Variants in UGT1A7 observed in about 807,000 individuals in gnomAD.
UGT1A7 encodes UDP glucuronosyltransferase family 1 member A7.
In UGT1A7, 33 loss-of-function variants were observed where a neutral mutation model predicts 45.6. The ratio of observed to expected loss-of-function variants is 0.72; its 90% CI spans 0.55 to 0.97. The LOEUF is 0.97. Ranked by LOEUF, UGT1A7 falls within the 50% of genes least tolerant of loss-of-function variation. UGT1A7 has a pLI of 0.00. For synonymous variants in UGT1A7, 274 were observed against 250.6 expected (o/e 1.09, Z -0.88); for missense variants, 684 against 666.2 (o/e 1.03, Z -0.29).
Position 233,772,929 on chromosome 2 carries a change from C to G in UGT1A7, c.*370C>G, listed in dbSNP as rs1186146273. On this transcript the variant is annotated 3_prime_UTR_variant, in exon 5 of 5. Transcript: ENST00000373426. ...CCCTACTGCAAATGGCAGTTTTAAT[C>G]TTATCTTTTGGCTTCTGCAGATGGT... is the stretch of plus-strand genomic sequence containing the variant. The G allele has an allele frequency of 2.8e-6, 1 of 355,154 alleles. No homozygotes were observed. The highest frequency in any genetic ancestry group is 4.3e-5 in the Admixed American group (1 of 23,230). 22.0% of individuals were successfully genotyped at this position (355,154 alleles called of 1,614,324 possible). A position where few individuals can be genotyped will look rare whatever the true frequency, so the allele number is the denominator to read the frequency against.
At chr2:233,708,233 A>G (rs1227435059) in intron 1 of UGT1A7, among the ~76,000 whole-genome samples, 2 of 152,190 alleles carry the variant, frequency 1.3e-5, no homozygotes, top group African/African-American at 4.8e-5. Context: ...TCCCTTAGCA[A>G]TGTATAAGTG....
At chr2:233,717,961 C>T (rs1265478221) in intron 1 of UGT1A7, 1 of 449,854 alleles carries the variant, frequency 2.2e-6, no homozygotes, top group Non-Finnish European at 4.5e-6. Context: ...AAGACTGGAG[C>T]CTTTGGCATT....
Position 233,772,517 on chromosome 2 carries a change from A to G in UGT1A7, c.1551A>G (p.Lys517=). Residue 517 remains lysine, a synonymous_variant, in exon 5 of 5, where the codon AAA becomes AAG. Transcript: ENST00000373426. Reference sequence around the variant, plus strand: ...ATGGCTACCGGAAATGCTTGGGGAAAAAAGGGCGAGTTAAGAAAGCCCACA... The same window carrying G: ...ATGGCTACCGGAAATGCTTGGGGAAGAAAGGGCGAGTTAAGAAAGCCCACA... ...CAYGYRKCLG[K]KGRVKKAHKS... 6.2e-7 allele frequency: 1 copy of G among 1,614,222 alleles called. No homozygotes were observed. Among genetic ancestry groups the G allele is most frequent in the South Asian group, 1.1e-5 (1 of 91,086 alleles).
chr2:233,682,342 A>T lies in UGT1A7; in HGVS notation c.405A>T (p.Glu135Asp), dbSNP rs1368393471. The T allele has an allele frequency of 2.5e-6, 4 of 1,613,994 alleles. No homozygotes were observed. In the Admixed American group the frequency reaches 6.7e-5, roughly 27 times the overall value. The change falls in exon 1 of 5, where the codon GAA (glutamate) becomes GAT (aspartate). Residue 135 changes from glutamate to aspartate, a missense_variant. Physicochemically the swap from Glu to Asp is conservative, Grantham distance 45. Transcript: ENST00000373426. Reference sequence around the variant, plus strand: ...TGTTTAATGACCGAAAATTAGTAGAATACTTAAAGGAGAGTTGTTTTGATG... The same window carrying T: ...TGTTTAATGACCGAAAATTAGTAGATTACTTAAAGGAGAGTTGTTTTGATG... ...RSLFNDRKLV[E>D]YLKESCFDAV...
chr2:233,684,988 G>A (rs1391588094), intron 1 of UGT1A7, among the ~76,000 whole-genome samples: 1 of 152,172 alleles, frequency 6.6e-6, no homozygotes. Context: ...GATGCAGTGT[G>A]TGTGTATGTG....
chr2:233,766,907 C>G (rs1383334189), intron 1 of UGT1A7, 127 bp from the exon 2 acceptor site: 28 of 1,506,666 alleles, frequency 1.9e-5, no homozygotes, highest in African/African-American at 1.4e-5. Flanking sequence ...TAATTTTTTA[C>G]TCTATCTCAA....
chr2:233,762,402 T>A (rs1251958312), intron 1 of UGT1A7, among the ~76,000 whole-genome samples: 1 of 152,262 alleles, frequency 6.6e-6, no homozygotes, highest in Non-Finnish European at 1.5e-5. Flanking sequence ...TAAAATTTTT[T>A]GGTTGCTTTT....
At chr2:233,772,194 T>C (rs921300076) in intron 4 of UGT1A7, 68 bp from the exon 5 acceptor site, 7 of 1,602,000 alleles carry the variant, frequency 4.4e-6, no homozygotes, top group Non-Finnish European at 6.0e-6. Context: ...TAAGCAGCCA[T>C]GAGCATAAAG....
intron 1 of UGT1A7, among the ~76,000 whole-genome samples, chr2:233,748,877 G>T (rs1694052195): frequency 6.6e-6 from 1 of 151,560 alleles, no homozygotes; most frequent in Admixed American, 6.6e-5. Flanking sequence ...GGACGGTGAT[G>T]AATGGACATG....
chr2:233,749,837 G>A (rs1453014378), intron 1 of UGT1A7, among the ~76,000 whole-genome samples: 4 of 151,982 alleles, frequency 2.6e-5, no homozygotes, highest in East Asian at 1.9e-4. Flanking sequence ...CATGTAAGAC[G>A]TGTCTTTGCC....
chr2:233,724,474 C>G, intron 1 of UGT1A7, among the ~76,000 whole-genome samples: 1 of 78,814 alleles, frequency 1.3e-5, no homozygotes, highest in East Asian at 2.8e-4. Flanking sequence ...GGGCTCCTCA[C>G]TTCTCAGACG....
At position 233,694,150 on chromosome 2, in the gene UGT1A7, C is replaced by T. The variant is rs2075202276; in HGVS notation, c.855+11358C>T. On this transcript the variant is annotated intron_variant, in intron 1 of 4. Transcript: ENST00000373426. ...CTCATTGAATGAGCCTTAGAAATGT[C>T]CCAGTTCAAACAGAGGTGAAGGCTT... Among the ~76,000 whole-genome samples the T allele has an allele frequency of 1.3e-5, 2 of 152,122 alleles. 1 individual carries two copies. Among genetic ancestry groups the T allele is most frequent in the South Asian group, 4.1e-4 (2 of 4,826 alleles).
At chr2:233,758,352 G>C (rs141624801) in intron 1 of UGT1A7, among the ~76,000 whole-genome samples, 5 of 152,316 alleles carry the variant, frequency 3.3e-5, no homozygotes, top group Middle Eastern at 3.4e-3. Context: ...GCATGATGCA[G>C]GAAAGTCATA....
chr2:233,729,479 A>G, intron 1 of UGT1A7: 2 of 1,614,240 alleles, frequency 1.2e-6, no homozygotes, highest in Non-Finnish European at 1.7e-6. Context: ...GCAATGTTGA[A>G]CAATATGTCT....
At chr2:233,714,594 T>C (rs2076398769) in intron 1 of UGT1A7, among the ~76,000 whole-genome samples, 1 of 152,248 alleles carries the variant, frequency 6.6e-6, no homozygotes. Flanking sequence ...ACTTTTCTAG[T>C]GGGCATGTTA....
chr2:233,690,702 A>G (rs1375778126), intron 1 of UGT1A7: 1 of 1,231,324 alleles, frequency 8.1e-7, no homozygotes, highest in Non-Finnish European at 1.0e-6. Context: ...CTCTTTAGGG[A>G]TCGTCATTAT....
intron 1 of UGT1A7, chr2:233,743,102 G>A: frequency 5.7e-6 from 2 of 353,898 alleles, no homozygotes; most frequent in Non-Finnish European, 1.1e-5. Flanking sequence ...CTTGGGTACA[G>A]CTGTTCTGAA....
At chr2:233,722,224 A>G (rs2077000987) in intron 1 of UGT1A7, among the ~76,000 whole-genome samples, 1 of 152,140 alleles carries the variant, frequency 6.6e-6, no homozygotes, top group Non-Finnish European at 1.5e-5. Context: ...TTACACCAAA[A>G]TCTTTATCAT....
At chr2:233,737,076 G>C (rs183644627) in intron 1 of UGT1A7, among the ~76,000 whole-genome samples, 1 of 152,350 alleles carries the variant, frequency 6.6e-6, no homozygotes, top group East Asian at 1.9e-4. Flanking sequence ...CTTCAGAGCT[G>C]TCAGACAGGG....
Sources: allele counts gnomAD v4.1 joint callset (sites outside exome capture counted in the v4.1 genomes callset), GRCh38; gene constraint gnomAD v4.1.1; transcripts MANE v1.5; gene names NCBI Gene and HGNC (gene_info 2026-07-23, HGNC 2026-07-21).